CLSTN1: variants seen among roughly 807,000 people sequenced by gnomAD.
CLSTN1 encodes calsyntenin-1.
Under a neutral mutation model 108.3 loss-of-function variants are expected in CLSTN1, and 28 were observed. The ratio of observed to expected loss-of-function variants is 0.26; its 90% CI spans 0.19 to 0.35. The LOEUF is 0.35. CLSTN1 is among the 10% of genes least tolerant of loss of function. CLSTN1 has a pLI of 1.00. For synonymous variants in CLSTN1, 524 were observed against 534.9 expected (o/e 0.98, Z 0.28); for missense variants, 1,157 against 1,302.6 (o/e 0.89, Z 1.72).
intron 2 of CLSTN1, among the ~76,000 whole-genome samples, chr1:9,764,515 T>C (rs1027390637): frequency 2.6e-5 from 4 of 151,944 alleles, no homozygotes; most frequent in African/African-American, 9.7e-5. Flanking sequence ...CACAGGCCTG[T>C]AATCCCAGCT....
intron 1 of CLSTN1, among the ~76,000 whole-genome samples, chr1:9,779,008 C>T (rs1247217840): frequency 4.8e-5 from 7 of 145,608 alleles, no homozygotes; most frequent in Non-Finnish European, 1.0e-4. Flanking sequence ...GGGAGAGAAG[C>T]GAGAGACTTC....
chr1:9,800,557 G>GGAA (rs1405749137), intron 1 of CLSTN1, among the ~76,000 whole-genome samples: 4 of 77,322 alleles, frequency 5.2e-5, no homozygotes, highest in African/African-American at 1.5e-4. Context: ...GTCTCCACTA[G>GGAA]AAAAAAAAAA....
At chr1:9,784,640 T>C (rs553092867) in intron 1 of CLSTN1, among the ~76,000 whole-genome samples, 1 of 152,312 alleles carries the variant, frequency 6.6e-6, no homozygotes, top group South Asian at 2.1e-4. Context: ...CACCTATAAA[T>C]CCTAGATGAT....
chr1:9,802,823 A>T (rs909838061), intron 1 of CLSTN1, among the ~76,000 whole-genome samples: 9 of 130,526 alleles, frequency 6.9e-5, no homozygotes, highest in South Asian at 2.4e-4. Flanking sequence ...ATTTTCTTAG[A>T]TTTTTTTTTT....
Position 9,755,160 on chromosome 1 carries a change from C to T in CLSTN1, c.394G>A (p.Asp132Asn). The part of the protein sequence containing the change: ...KDYSFTIQAY[D>N]CGKGPDGTNV... ...GTGCCATCAGGTCCCTTCCCACAAT[C>T]ATAGGCCTGGATGGTGAATGAATAG... Residue 132 changes from aspartate to asparagine, a missense_variant, in exon 4 of 19, where the codon GAT becomes AAT. Transcript: ENST00000377298. The T allele has an allele frequency of 6.2e-7, 1 of 1,614,012 alleles. No individual in the cohort carries two copies. Among genetic ancestry groups the T allele is most frequent in the Non-Finnish European group, 8.5e-7 (1 of 1,179,930 alleles).
chr1:9,735,671 G>GA, intron 12 of CLSTN1, 56 bp from the exon 13 acceptor site: 2 of 1,605,418 alleles, frequency 1.2e-6, no homozygotes, highest in Non-Finnish European at 1.7e-6. Flanking sequence ...CGCAGGAGCT[G>GA]AAACCACAGA....
rs200900029 is a variant in CLSTN1, at chr1:9,769,048, GGAGGGAGGGA to G, written c.214+4214_214+4223del. Among the ~76,000 whole-genome samples the G allele has an allele frequency of 3.1e-3, 453 of 144,758 alleles. 7 individuals are homozygous for G. The East Asian group carries it at 0.033, about 11-fold the overall frequency. The allele number at this position is 144,758 out of a possible 152,430, so 95.0% of individuals were successfully genotyped here. Reference sequence around the variant, plus strand: ...GGGAGAGAGGGAGAAAGGGGAAAAGGGAGGGAGGGAGAGGGAGGGAGAGAGGAAGGAAAGG... The same window carrying G: ...GGGAGAGAGGGAGAAAGGGGAAAAGGGAGGGAGGGAGAGAGGAAGGAAAGG... On this transcript the variant is annotated intron_variant, in intron 2 of 18. Transcript: ENST00000377298.
chr1:9,813,391 C>T (rs930625078), intron 1 of CLSTN1, among the ~76,000 whole-genome samples: 13 of 150,968 alleles, frequency 8.6e-5, no homozygotes, highest in East Asian at 3.9e-4. Flanking sequence ...CCCAGCTACT[C>T]GGGAAGCTGA....
rs182930246 is a variant in CLSTN1 at position 9,815,698 on chromosome 1, G to C, written c.91+7945C>G. On this transcript the variant is annotated intron_variant, in intron 1 of 18. Transcript: ENST00000377298. ...CGCCTGTAATCCCGGCACTTTGGAA[G>C]GCCAAAGCAGCTGGATCACTTGAGG... Among the ~76,000 whole-genome samples, 1,119 of 152,304 alleles carry C rather than the reference G, an allele frequency of 7.3e-3. 8 individuals are homozygous for C. Among genetic ancestry groups the C allele is most frequent in the Middle Eastern group, 0.024 (7 of 294 alleles).
chr1:9,737,261 G>C (rs199849317), intron 11 of CLSTN1, among the ~76,000 whole-genome samples: 5 of 151,902 alleles, frequency 3.3e-5, no homozygotes, highest in South Asian at 4.2e-4. Context: ...AACTGGATGG[G>C]GGGGGAAGTC....
At chr1:9,787,456 T>C (rs956597915) in intron 1 of CLSTN1, among the ~76,000 whole-genome samples, 1 of 144,504 alleles carries the variant, frequency 6.9e-6, no homozygotes, top group African/African-American at 2.6e-5. Context: ...CAGCCTGGAG[T>C]GCAGTGGTGT....
chr1:9,772,977 G>A (rs547191639), intron 2 of CLSTN1, among the ~76,000 whole-genome samples: 19 of 152,262 alleles, frequency 1.2e-4, no homozygotes, highest in Middle Eastern at 3.4e-3. Flanking sequence ...CAGGTACTCC[G>A]TGTGCACCCT....
intron 4 of CLSTN1, 37 bp from the exon 5 acceptor site, chr1:9,751,718 G>C (rs1651569713): frequency 6.3e-7 from 1 of 1,576,874 alleles, no homozygotes. Flanking sequence ...TTTTCTGCTT[G>C]TTTTCAGTGT....
intron 8 of CLSTN1, 132 bp from the exon 9 acceptor site, chr1:9,744,137 G>T: frequency 7.6e-7 from 1 of 1,312,868 alleles, no homozygotes; most frequent in Non-Finnish European, 1.0e-6. Flanking sequence ...CCAAGGCAGG[G>T]CTTAGAAACA....
intron 1 of CLSTN1, among the ~76,000 whole-genome samples, chr1:9,785,739 T>C (rs529008972): frequency 2.6e-5 from 4 of 152,160 alleles, no homozygotes; most frequent in African/African-American, 9.6e-5. Context: ...TGAAAATCAC[T>C]TGTACACTTT....
intron 1 of CLSTN1, among the ~76,000 whole-genome samples, chr1:9,800,678 C>T (rs1654224933): frequency 6.7e-6 from 1 of 149,822 alleles, no homozygotes; most frequent in South Asian, 2.1e-4. Context: ...TGCAGTGAGC[C>T]ATGATCGTGC....
At chr1:9,785,942 G>A in intron 1 of CLSTN1, among the ~76,000 whole-genome samples, 1 of 152,178 alleles carries the variant, frequency 6.6e-6, no homozygotes, top group East Asian at 1.9e-4. Flanking sequence ...TTGGGAGGTT[G>A]AGGTGGGTGG....
At chr1:9,760,685 T>C (rs1181380678) in intron 2 of CLSTN1, among the ~76,000 whole-genome samples, 1 of 95,370 alleles carries the variant, frequency 1.0e-5, no homozygotes, top group Non-Finnish European at 2.0e-5. Flanking sequence ...CATTCCCGGG[T>C]TTTTTTTTTT....
At position 9,762,528 on chromosome 1, in the gene CLSTN1, C is replaced by T. The variant is rs987318766; in HGVS notation, c.215-6018G>A. Among the ~76,000 whole-genome samples the T allele has an allele frequency of 1.4e-4, 21 of 150,668 alleles. 1 individual carries two copies. The highest frequency in any genetic ancestry group is 1.1e-3 in the Admixed American group (16 of 15,148). Reference sequence around the variant, plus strand: ...ACTATCCACTTCTCCCCGCTGCACTCGGCCTTGGTGCCCACACTCAACGGC... The same window carrying T: ...ACTATCCACTTCTCCCCGCTGCACTTGGCCTTGGTGCCCACACTCAACGGC... On this transcript the variant is annotated intron_variant, in intron 2 of 18. Transcript: ENST00000377298.
Sources: allele counts gnomAD v4.1 joint callset (sites outside exome capture counted in the v4.1 genomes callset), GRCh38; gene constraint gnomAD v4.1.1; transcripts MANE v1.5; gene names NCBI Gene and HGNC (gene_info 2026-07-23, HGNC 2026-07-21).